Variants in SYNPR observed in about 807,000 individuals in gnomAD.
SYNPR encodes the protein synaptoporin.
SYNPR carries 23 observed loss-of-function variants against 32.9 expected under a neutral mutation model. The observed-to-expected ratio is 0.70, with a 90% CI of 0.50 to 0.99. The LOEUF (loss-of-function observed/expected upper bound fraction) is 0.99, where lower values mean the gene tolerates loss of function less well. SYNPR is among the 50% of genes least tolerant of loss of function. SYNPR has a pLI of 0.00. For synonymous variants in SYNPR, 146 were observed against 135.9 expected, an observed-to-expected ratio of 1.07 and a Z score of -0.52; for missense variants, 318 against 349.3, an observed-to-expected ratio of 0.91 and a Z score of 0.71.
At chr3:63,589,736 C>T (rs1488043487) in intron 4 of SYNPR, among the ~76,000 whole-genome samples, 13 of 141,772 alleles carry the variant, frequency 9.2e-5, no homozygotes, top group African/African-American at 3.2e-4. Flanking sequence ...CAGAAAAAGC[C>T]TTTGACAAAA....
intron 2 of SYNPR, among the ~76,000 whole-genome samples, chr3:63,344,678 T>TA (rs1048963484): frequency 6.6e-6 from 1 of 151,062 alleles, no homozygotes; most frequent in Non-Finnish European, 1.5e-5. Flanking sequence ...ACTGCACAGA[T>TA]AGAGTCGATT....
chr3:63,492,607 T>C (rs1297110950), intron 3 of SYNPR, among the ~76,000 whole-genome samples: 1 of 152,180 alleles, frequency 6.6e-6, no homozygotes, highest in African/African-American at 2.4e-5. Context: ...GGTTATGTAA[T>C]CAAGGCTGTT....
chr3:63,298,513 G>A (rs1294805732), intron 2 of SYNPR, among the ~76,000 whole-genome samples: 1 of 152,124 alleles, frequency 6.6e-6, no homozygotes, highest in Non-Finnish European at 1.5e-5. Context: ...TGGAGTAGTT[G>A]TTCCCTGTGT....
At chr3:63,465,074 T>A (rs990212627) in intron 2 of SYNPR, among the ~76,000 whole-genome samples, 1 of 152,186 alleles carries the variant, frequency 6.6e-6, no homozygotes, top group African/African-American at 2.4e-5. Context: ...TACATTTTAT[T>A]GCCTCTTAGA....
intron 5 of SYNPR, chr3:63,610,473 G>C (rs1035281924): frequency 1.6e-5 from 11 of 698,066 alleles, no homozygotes; most frequent in Non-Finnish European, 2.9e-5. Context: ...TGTTTCTACA[G>C]CTTTCTGAAA....
intron 2 of SYNPR, among the ~76,000 whole-genome samples, chr3:63,425,763 G>T (rs1027508290): frequency 7.3e-5 from 11 of 150,118 alleles, no homozygotes; most frequent in Admixed American, 5.3e-4. Context: ...AATATTAAAT[G>T]AACTTATGGA....
At chr3:63,444,966 A>C (rs1700247321) in intron 2 of SYNPR, among the ~76,000 whole-genome samples, 1 of 151,362 alleles carries the variant, frequency 6.6e-6, no homozygotes, top group African/African-American at 2.4e-5. Flanking sequence ...AAAAAACAAA[A>C]CAAAACACAA....
intron 4 of SYNPR, among the ~76,000 whole-genome samples, chr3:63,567,969 G>C (rs71298661): frequency 0.085 from 12,992 of 152,218 alleles, 682 homozygotes; most frequent in Non-Finnish European, 0.12. Flanking sequence ...CTTATTTGTG[G>C]CCTATTGGCC....
At chr3:63,311,775 TATGTC>T (rs2086966496) in intron 2 of SYNPR, among the ~76,000 whole-genome samples, 1 of 152,042 alleles carries the variant, frequency 6.6e-6, no homozygotes, top group South Asian at 2.1e-4. Context: ...TCAAACAGGT[TATGTC>T]ATTATGTAAA....
At chr3:63,228,932 AAAAC>A (rs61065374) in intron 1 of SYNPR, among the ~76,000 whole-genome samples, 30,761 of 151,766 alleles carry the variant, frequency 0.2, 3,400 homozygotes, top group African/African-American at 0.25. Flanking sequence ...GCGCTTCTCC[AAAAC>A]AAACAAACAA....
chr3:63,290,141 A>AACAAATC (rs1553864584), intron 2 of SYNPR, among the ~76,000 whole-genome samples: 1 of 145,450 alleles, frequency 6.9e-6, no homozygotes, highest in Non-Finnish European at 1.5e-5. Context: ...AAAAACAAAA[A>AACAAATC]AACTCCTTTT....
At chr3:63,289,433 A>C (rs1412497238) in intron 2 of SYNPR, 1 of 164,192 alleles carries the variant, frequency 6.1e-6, no homozygotes, top group Non-Finnish European at 1.3e-5. Context: ...GGCTGCTTCC[A>C]CTCATGGCAG....
chr3:63,312,366 G>A (rs984695847), intron 2 of SYNPR, among the ~76,000 whole-genome samples: 12 of 151,770 alleles, frequency 7.9e-5, no homozygotes, highest in African/African-American at 2.7e-4. Flanking sequence ...CTACCAGTTG[G>A]GACCTAGGTG....
chr3:63,455,924 C>G (rs1700473832), intron 2 of SYNPR, among the ~76,000 whole-genome samples: 2 of 151,952 alleles, frequency 1.3e-5, no homozygotes, highest in Non-Finnish European at 1.5e-5. Flanking sequence ...TGATAAAGAC[C>G]TTCCACAAGA....
At chr3:63,395,532 A>G (rs946399318) in intron 2 of SYNPR, among the ~76,000 whole-genome samples, 1 of 152,190 alleles carries the variant, frequency 6.6e-6, no homozygotes, top group Non-Finnish European at 1.5e-5. Context: ...GGAAAATACT[A>G]TAATTATATA....
At chr3:63,588,764 G>A (rs1263318979) in intron 4 of SYNPR, among the ~76,000 whole-genome samples, 2 of 151,990 alleles carry the variant, frequency 1.3e-5, no homozygotes, top group Non-Finnish European at 1.5e-5. Context: ...AATTGCTAGG[G>A]TACCAGGGTC....
At chr3:63,353,528 G>A (rs1442508215) in intron 2 of SYNPR, among the ~76,000 whole-genome samples, 4 of 152,214 alleles carry the variant, frequency 2.6e-5, no homozygotes, top group African/African-American at 9.7e-5. Flanking sequence ...CAGCCCTAAA[G>A]TGGAGATTCG....
chr3:63,339,816 C>T (rs550710515), intron 2 of SYNPR, among the ~76,000 whole-genome samples: 4 of 152,188 alleles, frequency 2.6e-5, no homozygotes, highest in Non-Finnish European at 4.4e-5. Flanking sequence ...CCCACCATGT[C>T]CAGCTAATTT....
intron 1 of SYNPR, among the ~76,000 whole-genome samples, chr3:63,237,316 T>G (rs2086207353): frequency 6.6e-6 from 1 of 152,168 alleles, no homozygotes; most frequent in Non-Finnish European, 1.5e-5. Context: ...TTCTATCCTC[T>G]GTCATCTCCA....
Sources: allele counts gnomAD v4.1 joint callset (sites outside exome capture counted in the v4.1 genomes callset), GRCh38; gene constraint gnomAD v4.1.1; transcripts MANE v1.5; gene names NCBI Gene and HGNC (gene_info 2026-07-23, HGNC 2026-07-21).